CREM: variants seen among roughly 807,000 people sequenced by gnomAD.
The protein encoded by CREM is cAMP responsive element modulator.
Under a neutral mutation model 37.3 loss-of-function variants are expected in CREM, and 13 were observed. The ratio of observed to expected loss-of-function variants is 0.35; its 90% CI spans 0.23 to 0.55. CREM has a LOEUF of 0.55. Ranked by LOEUF, CREM falls within the 20% of genes least tolerant of loss-of-function variation. The pLI is 0.88. For synonymous variants in CREM, 124 were observed against 120.2 expected (o/e 1.03, Z -0.21); for missense variants, 296 against 362.3 (o/e 0.82, Z 1.49).
chr10:35,186,234 T>C lies in CREM; in HGVS notation c.410-1966T>C, dbSNP rs114110000. On this transcript the variant is annotated intron_variant, in intron 5 of 7. Transcript: ENST00000685392. ...CTGTTTGAAGCATGCAGTTGGAATC[T>C]TTATGTTAAAATATACAGACCTTTC... is the stretch of plus-strand genomic sequence containing the variant. Among the ~76,000 whole-genome samples, 783 of 152,312 alleles carry C rather than the reference T, an allele frequency of 5.1e-3. 8 individuals are homozygous for C. Among genetic ancestry groups the C allele is most frequent in the African/African-American group, 0.017 (691 of 41,568 alleles).
intron 2 of CREM, among the ~76,000 whole-genome samples, chr10:35,141,627 G>T (rs983696575): frequency 6.6e-6 from 1 of 152,142 alleles, no homozygotes; most frequent in Non-Finnish European, 1.5e-5. Context: ...GTTCCTGCAG[G>T]ACATGTGTTT....
intron 1 of CREM, among the ~76,000 whole-genome samples, chr10:35,134,057 T>G (rs2089975484): frequency 2.0e-5 from 3 of 149,580 alleles, no homozygotes; most frequent in Non-Finnish European, 4.5e-5. Flanking sequence ...AGTTTTTTGT[T>G]TTTTTTTTTT....
rs1402006929 is a variant in CREM at position 35,189,733 on chromosome 10, C to T, written c.598+1345C>T. ...GTTTCACCGTATTGCCCAGGCTGGT[C>T]GTGAACTCCTGAGCTCAGGCAGTCC... On this transcript the variant is annotated intron_variant, in intron 6 of 7. Transcript: ENST00000685392. 2.6e-5 allele frequency among the ~76,000 whole-genome samples: 4 copies of T among 152,138 alleles called. No homozygotes were observed. In the East Asian group the frequency reaches 5.8e-4, roughly 22 times the overall value.
At chr10:35,201,323 G>T in intron 6 of CREM, 1 of 925,214 alleles carries the variant, frequency 1.1e-6, no homozygotes, top group South Asian at 1.6e-5. Flanking sequence ...AACTTAAGGA[G>T]GGGAAGAGGA....
intron 3 of CREM, chr10:35,167,653 A>G (rs1231643750): frequency 1.3e-6 from 2 of 1,486,146 alleles, no homozygotes; most frequent in Non-Finnish European, 1.9e-6. Context: ...GCAAAGCCAA[A>G]TAAGGCTGTC....
intron 3 of CREM, among the ~76,000 whole-genome samples, chr10:35,155,362 G>A (rs930392205): frequency 3.3e-5 from 5 of 151,954 alleles, no homozygotes; most frequent in East Asian, 1.9e-4. Flanking sequence ...CTGAGAGGAC[G>A]GAAAAATGGG....
intron 1 of CREM, among the ~76,000 whole-genome samples, chr10:35,130,464 A>C (rs540567458): frequency 9.8e-4 from 149 of 152,294 alleles, no homozygotes; most frequent in African/African-American, 3.4e-3. Flanking sequence ...CATTAGTGGA[A>C]ATTTTTCTTG....
chr10:35,160,178 C>T (rs987012775), intron 3 of CREM, among the ~76,000 whole-genome samples: 7 of 151,860 alleles, frequency 4.6e-5, no homozygotes, highest in Admixed American at 3.9e-4. Flanking sequence ...GTATAGGATG[C>T]GATTATACTG....
intron 6 of CREM, among the ~76,000 whole-genome samples, chr10:35,200,001 T>C (rs2095337023): frequency 6.7e-6 from 1 of 148,878 alleles, no homozygotes; most frequent in Admixed American, 6.8e-5. Flanking sequence ...GCGATTCACC[T>C]GCCTCAGCCT....
intron 6 of CREM, among the ~76,000 whole-genome samples, chr10:35,194,268 C>A (rs972095353): frequency 9.2e-5 from 14 of 152,000 alleles, no homozygotes; most frequent in Admixed American, 5.2e-4. Flanking sequence ...CTATAATGAT[C>A]CAGCTCTCTA....
Position 35,170,314 on chromosome 10 carries a change from G to A in CREM, c.169-8575G>A, listed in dbSNP as rs559148027. Among the ~76,000 whole-genome samples the A allele has an allele frequency of 4.8e-3, 725 of 152,206 alleles. 7 individuals carry two copies. Among genetic ancestry groups the A allele is most frequent in the Non-Finnish European group, 4.6e-3 (310 of 68,008 alleles). ...GGATTCAGTTTGCCAGTATTTTACT[G>A]AGGATTTTTGCATCGATGTTCATCA... On this transcript the variant is annotated intron_variant, in intron 3 of 7. Transcript: ENST00000685392.
chr10:35,136,790 GTT>G (rs56403246), intron 1 of CREM, among the ~76,000 whole-genome samples: 73,654 of 121,392 alleles, frequency 0.61, 20,621 homozygotes, highest in East Asian at 0.68. Context: ...AGGACTCTCA[GTT>G]TTTTTTTTTT....
chr10:35,166,593 G>T (rs903411995), intron 3 of CREM, among the ~76,000 whole-genome samples: 2 of 151,896 alleles, frequency 1.3e-5, no homozygotes, highest in African/African-American at 4.8e-5. Flanking sequence ...CCAGGGTGTG[G>T]TGGCGGGCAC....
chr10:35,172,975 T>A (rs2093892736), intron 3 of CREM, among the ~76,000 whole-genome samples: 1 of 152,252 alleles, frequency 6.6e-6, no homozygotes. Flanking sequence ...AAAATCTGCA[T>A]CTGCCATTGT....
chr10:35,195,964 C>A, intron 6 of CREM: 1 of 1,346,378 alleles, frequency 7.4e-7, no homozygotes, highest in South Asian at 1.2e-5. Context: ...TCCAAGCTGC[C>A]TTTTAGACTG....
intron 7 of CREM, among the ~76,000 whole-genome samples, chr10:35,207,551 A>G (rs1174082445): frequency 1.3e-5 from 2 of 152,134 alleles, no homozygotes; most frequent in East Asian, 1.9e-4. Context: ...CAAGGCGGGC[A>G]GATCACAAGG....
intron 2 of CREM, among the ~76,000 whole-genome samples, chr10:35,147,720 T>A (rs1476981733): frequency 6.6e-6 from 1 of 152,236 alleles, no homozygotes; most frequent in Non-Finnish European, 1.5e-5. Context: ...ATAGAAAACC[T>A]AATTTTCCAG....
At chr10:35,178,820 C>A in intron 3 of CREM, 69 bp from the exon 4 acceptor site, 1 of 1,285,168 alleles carries the variant, frequency 7.8e-7, no homozygotes, top group Non-Finnish European at 1.1e-6. Flanking sequence ...AGACTCTTAG[C>A]CTCAATTTTT....
chr10:35,189,715 C>T (rs1485258290), intron 6 of CREM, among the ~76,000 whole-genome samples: 2 of 152,040 alleles, frequency 1.3e-5, no homozygotes, highest in Admixed American at 6.6e-5. Context: ...GGGGTTTCAC[C>T]GTATTGCCCA....
Sources: allele counts gnomAD v4.1 joint callset (sites outside exome capture counted in the v4.1 genomes callset), GRCh38; gene constraint gnomAD v4.1.1; transcripts MANE v1.5; gene names NCBI Gene and HGNC (gene_info 2026-07-23, HGNC 2026-07-21).